CMC1: variants seen among roughly 807,000 people sequenced by gnomAD.
CMC1 encodes the protein C-X9-C motif containing 1.
Under a neutral mutation model 14.1 loss-of-function variants are expected in CMC1, and 14 were observed. That is an observed-to-expected ratio of 0.99 (90% confidence interval 0.66 to 1.55). The LOEUF is 1.55. Among genes scored for constraint, CMC1 ranks in the 40% most tolerant of loss-of-function variants. The pLI is 0.00. For missense variants in CMC1, 127 were observed against 123.8 expected (o/e 1.03, Z -0.12); for synonymous variants, 50 against 38.4 (o/e 1.30, Z -1.12).
intron 2 of CMC1, among the ~76,000 whole-genome samples, chr3:28,310,891 A>G (rs905877390): frequency 2.0e-5 from 3 of 152,142 alleles, no homozygotes; most frequent in Non-Finnish European, 2.9e-5. Context: ...GATCCCTCGC[A>G]TGCACAATTC....
intron 2 of CMC1, among the ~76,000 whole-genome samples, chr3:28,280,154 A>G (rs1216056836): frequency 6.6e-6 from 1 of 152,220 alleles, no homozygotes; most frequent in Non-Finnish European, 1.5e-5. Context: ...AAAAAAGTGT[A>G]TACTCTTTTA....
chr3:28,290,220 C>T (rs1321122339), intron 2 of CMC1, among the ~76,000 whole-genome samples: 1 of 146,602 alleles, frequency 6.8e-6, no homozygotes, highest in Non-Finnish European at 1.5e-5. Context: ...ATCCAGTGCT[C>T]ATCACATTTT....
intron 2 of CMC1, among the ~76,000 whole-genome samples, chr3:28,265,338 T>G (rs1398261603): frequency 6.6e-6 from 1 of 152,122 alleles, no homozygotes; most frequent in Non-Finnish European, 1.5e-5. Flanking sequence ...TCTAACCATA[T>G]AAATTAGGAA....
In CMC1 at chr3:28,316,356, T is replaced by C. The variant is rs145491385; in HGVS notation, c.133T>C (p.Ser45Pro). Reference protein sequence around the residue: ...VQDFTKCCKNSGVLMVVKCRK... With the variant: ...VQDFTKCCKNPGVLMVVKCRK... ...AGATTTTACCAAATGTTGCAAGAAC[T>C]CTGGAGTTCTTATGGTAGTAAAATG... is the stretch of plus-strand genomic sequence containing the variant. The change falls in exon 3 of 4, where the codon TCT becomes CCT. Residue 45 changes from serine (S) to proline (P), a missense_variant. Transcript: ENST00000466830. 10 of 1,580,922 alleles carry C rather than the reference T, an allele frequency of 6.3e-6. No individual in the cohort carries two copies. Among genetic ancestry groups the C allele is most frequent in the Non-Finnish European group, 8.6e-6 (10 of 1,165,960 alleles).
intron 1 of CMC1, among the ~76,000 whole-genome samples, chr3:28,252,572 T>C (rs1457991828): frequency 6.6e-6 from 1 of 152,182 alleles, no homozygotes; most frequent in African/African-American, 2.4e-5. Context: ...GATAAAAAAT[T>C]GAGAACTGAA....
At chr3:28,300,658 C>T (rs1228131297) in intron 2 of CMC1, among the ~76,000 whole-genome samples, 1 of 92,044 alleles carries the variant, frequency 1.1e-5, no homozygotes, top group Non-Finnish European at 2.0e-5. Context: ...CATCCCTTTC[C>T]CTCCCTTTCC....
In CMC1 at chr3:28,263,393, T is replaced by A. The variant is rs1345072213; in HGVS notation, c.109+13T>A. The A allele has an allele frequency of 1.3e-6, 2 of 1,510,532 alleles. No individual in the cohort carries two copies. Among genetic ancestry groups the A allele is most frequent in the African/African-American group, 2.8e-5 (2 of 71,722 alleles). 93.6% of individuals were successfully genotyped at this position (1,510,532 alleles called of 1,614,324 possible). A position where few individuals can be genotyped will look rare whatever the true frequency, so the allele number is the denominator to read the frequency against. On this transcript the variant is annotated intron_variant, in intron 2 of 3. Transcript: ENST00000466830. ...GAACAAGTTCAAGGTAACATTCAAA[T>A]ATTCATGTAAAGATCAAATTTATTT...
chr3:28,266,694 C>T (rs1700021465), intron 2 of CMC1, among the ~76,000 whole-genome samples: 2 of 151,908 alleles, frequency 1.3e-5, no homozygotes, highest in African/African-American at 2.4e-5. Context: ...CCTTTTTGAA[C>T]TTTGATTTGA....
intron 2 of CMC1, among the ~76,000 whole-genome samples, chr3:28,310,365 T>A (rs1301061450): frequency 6.6e-6 from 1 of 152,224 alleles, no homozygotes; most frequent in African/African-American, 2.4e-5. Context: ...GTAAGTACTT[T>A]GAAAATGTTT....
intron 1 of CMC1, among the ~76,000 whole-genome samples, chr3:28,259,684 T>C (rs942674045): frequency 1.3e-5 from 2 of 152,182 alleles, no homozygotes; most frequent in Non-Finnish European, 2.9e-5. Flanking sequence ...TAGACTCACA[T>C]AAAATTGTGA....
chr3:28,277,250 T>C (rs1217180319), intron 2 of CMC1, among the ~76,000 whole-genome samples: 1 of 152,202 alleles, frequency 6.6e-6, no homozygotes, highest in African/African-American at 2.4e-5. Context: ...TTTTAATACA[T>C]TGGTTGTCTC....
At chr3:28,244,633 G>A (rs985940579) in intron 1 of CMC1, among the ~76,000 whole-genome samples, 11 of 152,058 alleles carry the variant, frequency 7.2e-5, no homozygotes, top group African/African-American at 2.7e-4. Context: ...GGAGGCTGAG[G>A]AATGAGAATT....
intron 1 of CMC1, among the ~76,000 whole-genome samples, chr3:28,250,109 C>T (rs1559398392): frequency 2.0e-5 from 3 of 152,176 alleles, no homozygotes; most frequent in African/African-American, 4.8e-5. Flanking sequence ...CATACAGTCA[C>T]ATTGAGGGTT....
intron 2 of CMC1, among the ~76,000 whole-genome samples, chr3:28,263,946 G>T (rs1699863765): frequency 6.6e-6 from 1 of 152,058 alleles, no homozygotes. Context: ...GTTTTAACAT[G>T]AAATACTCCT....
intron 2 of CMC1, among the ~76,000 whole-genome samples, chr3:28,283,357 T>TA (rs563565277): frequency 6.6e-4 from 94 of 142,616 alleles, no homozygotes; most frequent in Admixed American, 1.3e-3. Context: ...CTACTAAAAA[T>TA]AAAAAAAAAA....
chr3:28,300,500 G>C (rs938040934), intron 2 of CMC1, among the ~76,000 whole-genome samples: 1 of 151,880 alleles, frequency 6.6e-6, no homozygotes, highest in Non-Finnish European at 1.5e-5. Flanking sequence ...TGAGAGAGAG[G>C]GAGCTGGCTT....
At chr3:28,290,879 T>C (rs1285186372) in intron 2 of CMC1, among the ~76,000 whole-genome samples, 1 of 152,012 alleles carries the variant, frequency 6.6e-6, no homozygotes, top group Non-Finnish European at 1.5e-5. Context: ...TATCTCGGTA[T>C]GACAACTGGG....
intron 2 of CMC1, chr3:28,292,067 A>G (rs1701497912): frequency 6.6e-6 from 1 of 152,124 alleles, no homozygotes; most frequent in Non-Finnish European, 1.5e-5. Context: ...TCTCAAAAAC[A>G]AAGAGTGTTT....
At chr3:28,304,890 A>C (rs1448823303) in intron 2 of CMC1, among the ~76,000 whole-genome samples, 1 of 152,168 alleles carries the variant, frequency 6.6e-6, no homozygotes, top group African/African-American at 2.4e-5. Flanking sequence ...TTCTGACTCC[A>C]TATAGCTCTA....
Sources: allele counts gnomAD v4.1 joint callset (sites outside exome capture counted in the v4.1 genomes callset), GRCh38; gene constraint gnomAD v4.1.1; transcripts MANE v1.5; gene names NCBI Gene and HGNC (gene_info 2026-07-23, HGNC 2026-07-21).